The following TMPRSS11D variants were observed in gnomAD, a reference collection of about 807,000 sequenced individuals.
The protein encoded by TMPRSS11D is transmembrane serine protease 11D.
A neutral mutation model predicts 44.4 loss-of-function variants in TMPRSS11D; 32 were observed. The ratio of observed to expected loss-of-function variants is 0.72; its 90% CI spans 0.54 to 0.97. The LOEUF (loss-of-function observed/expected upper bound fraction) is 0.97, where lower values mean the gene tolerates loss of function less well. Ranked by LOEUF, TMPRSS11D falls within the 50% of genes least tolerant of loss-of-function variation. The pLI, the probability that TMPRSS11D is intolerant of heterozygous loss-of-function variation, is 0.00. For missense variants in TMPRSS11D, 446 were observed against 502.6 expected, an observed-to-expected ratio of 0.89 and a Z score of 1.08; for synonymous variants, 179 against 177.9, an observed-to-expected ratio of 1.01 and a Z score of -0.05.
chr4:67,857,022 T>A (rs1419760856), intron 2 of TMPRSS11D, among the ~76,000 whole-genome samples: 1 of 152,074 alleles, frequency 6.6e-6, no homozygotes, highest in Non-Finnish European at 1.5e-5. Flanking sequence ...AGAATTCTTA[T>A]ACACTGTTGG....
chr4:67,846,496 GA>G (rs1333453688), intron 3 of TMPRSS11D, among the ~76,000 whole-genome samples: 2 of 152,010 alleles, frequency 1.3e-5, no homozygotes, highest in Non-Finnish European at 2.9e-5. Flanking sequence ...TTTAAGCATT[GA>G]AAAAGTTTCC....
intron 3 of TMPRSS11D, among the ~76,000 whole-genome samples, chr4:67,848,160 G>GA (rs1235274706): frequency 6.6e-6 from 1 of 152,100 alleles, no homozygotes; most frequent in African/African-American, 2.4e-5. Context: ...TATATTTTGG[G>GA]AAAAAAGTAT....
chr4:67,877,416 C>G (rs1288962921), intron 1 of TMPRSS11D, among the ~76,000 whole-genome samples: 1 of 152,160 alleles, frequency 6.6e-6, no homozygotes, highest in Non-Finnish European at 1.5e-5. Flanking sequence ...TCTCAGAGTT[C>G]TGCATTTTAT....
rs113433163 is a variant in TMPRSS11D, at chr4:67,859,489, G to A, written c.130+68C>T. 5.2e-6 allele frequency: 8 copies of A among 1,527,284 alleles called. 1 individual carries two copies. The African/African-American group carries it at 8.3e-5, about 16-fold the overall frequency. 94.6% of individuals were successfully genotyped at this position (1,527,284 alleles called of 1,614,324 possible). A position where few individuals can be genotyped will look rare whatever the true frequency, so the allele number is the denominator to read the frequency against. Reference sequence around the variant, plus strand: ...TAAAAGCCATAGTAAAAGAAAGAATGCCAGACTTTAAATCTGAAATTGTAT... The same window carrying A: ...TAAAAGCCATAGTAAAAGAAAGAATACCAGACTTTAAATCTGAAATTGTAT... On this transcript the variant is annotated intron_variant, in intron 2 of 9. Coordinates refer to ENST00000283916, the MANE Select transcript of TMPRSS11D (RefSeq NM_004262.3).
chr4:67,838,434 G>A, intron 4 of TMPRSS11D, 105 bp from the exon 5 acceptor site: 2 of 1,109,456 alleles, frequency 1.8e-6, no homozygotes, highest in East Asian at 2.8e-5. Context: ...TTCATTTGTG[G>A]AATTTAACTT....
intron 1 of TMPRSS11D, among the ~76,000 whole-genome samples, chr4:67,879,274 G>C (rs1428977519): frequency 2.0e-5 from 3 of 151,992 alleles, no homozygotes; most frequent in African/African-American, 7.2e-5. Flanking sequence ...GAGGTCAGGA[G>C]ATCGAGACCA....
At chr4:67,842,755 C>T in intron 3 of TMPRSS11D, 130 bp from the exon 4 acceptor site, 1 of 788,670 alleles carries the variant, frequency 1.3e-6, no homozygotes, top group Non-Finnish European at 2.1e-6. Context: ...CAACCTAATT[C>T]CATTGCAAAA....
At chr4:67,880,215 T>G (rs981835556) in intron 1 of TMPRSS11D, among the ~76,000 whole-genome samples, 8 of 152,228 alleles carry the variant, frequency 5.3e-5, no homozygotes, top group African/African-American at 1.4e-4. Flanking sequence ...TGATGCTATT[T>G]TTATTAATAG....
chr4:67,880,821 C>T (rs1250795369), intron 1 of TMPRSS11D, among the ~76,000 whole-genome samples: 3 of 151,962 alleles, frequency 2.0e-5, no homozygotes, highest in Non-Finnish European at 4.4e-5. Context: ...TGTCTTGAGC[C>T]CTGAGTGCAT....
chr4:67,873,518 T>G (rs941259053), intron 1 of TMPRSS11D, among the ~76,000 whole-genome samples: 51 of 152,150 alleles, frequency 3.4e-4, no homozygotes, highest in African/African-American at 1.2e-3. Context: ...TATCATTAAA[T>G]GCACAGGTTA....
At chr4:67,844,240 CA>C (rs1718302851) in intron 3 of TMPRSS11D, among the ~76,000 whole-genome samples, 1 of 152,098 alleles carries the variant, frequency 6.6e-6, no homozygotes, top group Admixed American at 6.6e-5. Context: ...AGATTCTTCT[CA>C]AAAATGGTAA....
At chr4:67,829,019 C>T (rs1039844132) in intron 7 of TMPRSS11D, among the ~76,000 whole-genome samples, 50 of 152,088 alleles carry the variant, frequency 3.3e-4, no homozygotes, top group African/African-American at 1.1e-3. Flanking sequence ...TCATTCCTCT[C>T]ATCAAATAAG....
In TMPRSS11D at chr4:67,845,554, G is replaced by A. The variant is rs1213254044; in HGVS notation, c.250-2929C>T. Among the ~76,000 whole-genome samples, 4 of 152,080 alleles carry A rather than the reference G, an allele frequency of 2.6e-5. No homozygotes were observed. The East Asian group carries it at 7.7e-4, about 29-fold the overall frequency. ...GAGACGATGTATCTACTTTTCATAA[G>A]TTTTACATTCAATCTTTTAGCCTTT... is the stretch of plus-strand genomic sequence containing the variant. On this transcript the variant is annotated intron_variant, in intron 3 of 9. Transcript: ENST00000283916.
At chr4:67,833,545 T>C (rs914135007) in intron 6 of TMPRSS11D, 164 bp from the exon 7 acceptor site, 1 of 540,450 alleles carries the variant, frequency 1.9e-6, no homozygotes, top group African/African-American at 2.0e-5. Flanking sequence ...CTACAATGCA[T>C]TTGTGACTAC....
chr4:67,838,266 A>G lies in TMPRSS11D; in HGVS notation c.381T>C (p.Asn127=). The change falls in exon 5 of 10, where the codon AAT becomes AAC. Residue 127 remains asparagine (N), a synonymous_variant. Transcript: ENST00000283916. ...VMKFQFTRNN[N]GASMKSRIES... ...CAATTCTGCTTTTCATTGATGCTCCATTGTTATTTCTAGTGAATTGAAATT... is the reference window on the plus strand; with the variant it reads ...CAATTCTGCTTTTCATTGATGCTCCGTTGTTATTTCTAGTGAATTGAAATT... 6.2e-7 allele frequency: 1 copy of G among 1,602,398 alleles called. No individual in the cohort carries two copies. Among genetic ancestry groups the G allele is most frequent in the African/African-American group, 1.3e-5 (1 of 74,490 alleles).
chr4:67,847,813 T>G (rs1482897589), intron 3 of TMPRSS11D, among the ~76,000 whole-genome samples: 1 of 152,232 alleles, frequency 6.6e-6, no homozygotes, highest in Admixed American at 6.5e-5. Context: ...GTATTTTATT[T>G]CAGCACTCCA....
intron 3 of TMPRSS11D, among the ~76,000 whole-genome samples, chr4:67,852,512 G>C (rs1041902533): frequency 2.0e-5 from 3 of 152,194 alleles, no homozygotes; most frequent in Non-Finnish European, 4.4e-5. Context: ...TGTTCAGTGA[G>C]AACCATCACA....
At chr4:67,832,467 A>C (rs1406516650) in intron 7 of TMPRSS11D, among the ~76,000 whole-genome samples, 2 of 151,882 alleles carry the variant, frequency 1.3e-5, no homozygotes, top group African/African-American at 4.8e-5. Context: ...AGTTTATGCA[A>C]CCTACTCGCC....
At chr4:67,835,399 A>C (rs909689847) in intron 5 of TMPRSS11D, among the ~76,000 whole-genome samples, 11 of 152,140 alleles carry the variant, frequency 7.2e-5, no homozygotes, top group Admixed American at 4.6e-4. Context: ...TACTTAATAG[A>C]TATCTCTTTT....
Sources: gnomAD v4.1 joint callset for allele counts (sites outside exome capture counted in the v4.1 genomes callset) on GRCh38, gnomAD v4.1.1 for gene constraint, MANE v1.5 for transcripts, NCBI Gene and HGNC (gene_info 2026-07-23, HGNC 2026-07-21) for gene names.